Variants in NBAS observed in about 807,000 individuals in gnomAD.
The protein encoded by NBAS is NAG/BC035112 fusion.
NBAS carries 219 observed loss-of-function variants against 302.5 expected under a neutral mutation model. The ratio of observed to expected loss-of-function variants is 0.72; its 90% CI spans 0.65 to 0.81. The LOEUF (loss-of-function observed/expected upper bound fraction) is 0.81, where lower values mean the gene tolerates loss of function less well. Ranked by LOEUF, NBAS falls within the 30% of genes least tolerant of loss-of-function variation. The pLI is 0.00. For missense variants in NBAS, 2,932 were observed against 2,841.6 expected, an observed-to-expected ratio of 1.03 and a Z score of -0.72; for synonymous variants, 1,118 against 1,021.6, an observed-to-expected ratio of 1.09 and a Z score of -1.80.
intron 9 of NBAS, among the ~76,000 whole-genome samples, chr2:15,522,338 T>C (rs974429440): frequency 3.9e-5 from 6 of 152,032 alleles, no homozygotes; most frequent in Non-Finnish European, 1.5e-5. Context: ...GAGTTGAGAA[T>C]TATCTAACAT....
the NBAS span, among the ~76,000 whole-genome samples, chr2:15,085,726 T>C: frequency 6.6e-6 from 1 of 152,126 alleles, no homozygotes; most frequent in African/African-American, 2.4e-5. Flanking sequence ...TGCTCAGAAG[T>C]GCCTGCTCCC....
At chr2:15,009,470 A>G in the NBAS span, among the ~76,000 whole-genome samples, 6 of 152,060 alleles carry the variant, frequency 3.9e-5, no homozygotes, top group East Asian at 7.7e-4. Context: ...TCAGAGCCCA[A>G]AATGAAGCTC....
At position 15,459,539 on chromosome 2, in the gene NBAS, G is replaced by A. The variant is rs184695916; in HGVS notation, c.2339+1662C>T. 1.4e-4 allele frequency among the ~76,000 whole-genome samples: 18 copies of A among 130,738 alleles called. No individual in the cohort carries two copies. The East Asian group carries it at 3.5e-3, about 25-fold the overall frequency. The allele number at this position is 130,738 out of a possible 152,430, so 85.8% of individuals were successfully genotyped here. On this transcript the variant is annotated intron_variant, in intron 21 of 51. Coordinates refer to ENST00000281513, the MANE Select transcript of NBAS (RefSeq NM_015909.4). ...AGATGGAGTCTCGTTCTGTCACCCA[G>A]GGGTGCGATAGCTCACTGCAAGCTC...
the NBAS span, among the ~76,000 whole-genome samples, chr2:14,886,160 A>G: frequency 6.6e-6 from 1 of 151,582 alleles, no homozygotes; most frequent in Non-Finnish European, 1.5e-5. Flanking sequence ...CTCCATAGGC[A>G]GGCAGGTAAG....
chr2:15,509,295 T>C (rs1450940883), intron 10 of NBAS, among the ~76,000 whole-genome samples: 1 of 152,188 alleles, frequency 6.6e-6, no homozygotes, highest in Admixed American at 6.5e-5. Context: ...TATGGTGCCT[T>C]AGGCTCCTTA....
chr2:14,932,506 T>A, the NBAS span, among the ~76,000 whole-genome samples: 11 of 152,216 alleles, frequency 7.2e-5, no homozygotes, highest in Non-Finnish European at 1.0e-4. Flanking sequence ...AGGATTCAAA[T>A]CCCTTGCTTT....
chr2:15,126,553 C>A, the NBAS span, among the ~76,000 whole-genome samples: 1 of 152,160 alleles, frequency 6.6e-6, no homozygotes, highest in Non-Finnish European at 1.5e-5. Context: ...ATCAGAGGTA[C>A]CTCACCCGAG....
At chr2:14,926,222 G>A in the NBAS span, among the ~76,000 whole-genome samples, 1 of 152,200 alleles carries the variant, frequency 6.6e-6, no homozygotes, top group East Asian at 1.9e-4. Context: ...CTACAATTAC[G>A]GGAACAGAGA....
At chr2:15,074,397 G>A in the NBAS span, among the ~76,000 whole-genome samples, 131 of 143,748 alleles carry the variant, frequency 9.1e-4, 1 homozygote, top group African/African-American at 3.2e-3. Flanking sequence ...ATGGAAGGAG[G>A]GGGGGAGGGA....
At chr2:14,828,615 A>C in the NBAS span, among the ~76,000 whole-genome samples, 1 of 152,214 alleles carries the variant, frequency 6.6e-6, no homozygotes, top group African/African-American at 2.4e-5. Context: ...TGCAAAAAAA[A>C]TAAATTCTAT....
At chr2:15,444,242 G>A (rs1678602631) in intron 21 of NBAS, among the ~76,000 whole-genome samples, 1 of 152,034 alleles carries the variant, frequency 6.6e-6, no homozygotes, top group Admixed American at 6.6e-5. Context: ...CATACTACCT[G>A]ACTTCAAACT....
chr2:15,320,376 T>A (rs530822633), intron 38 of NBAS, among the ~76,000 whole-genome samples: 1 of 152,100 alleles, frequency 6.6e-6, no homozygotes, highest in Non-Finnish European at 1.5e-5. Flanking sequence ...CTATTCAACA[T>A]AGTGTTGGAA....
At chr2:15,394,798 G>A (rs1675789020) in intron 27 of NBAS, among the ~76,000 whole-genome samples, 1 of 152,030 alleles carries the variant, frequency 6.6e-6, no homozygotes, top group African/African-American at 2.4e-5. Flanking sequence ...CTCATTCTCT[G>A]TCAAGAATCC....
the NBAS span, among the ~76,000 whole-genome samples, chr2:14,784,394 TG>T: frequency 5.8e-4 from 89 of 152,336 alleles, 1 homozygote; most frequent in African/African-American, 1.7e-3. Flanking sequence ...TCCTTGCCCA[TG>T]CCTATGTCCT....
chr2:15,219,377 G>T (rs1054275967), intron 47 of NBAS, among the ~76,000 whole-genome samples: 1 of 144,100 alleles, frequency 6.9e-6, no homozygotes, highest in African/African-American at 2.6e-5. Flanking sequence ...CGCAGAGGGG[G>T]ATTTGGCAGG....
chr2:15,162,659 C>T (rs1027443032), downstream of NBAS, among the ~76,000 whole-genome samples: 4 of 152,208 alleles, frequency 2.6e-5, no homozygotes, highest in Admixed American at 6.5e-5. Context: ...CCAAGCCTTC[C>T]TTCTCGTATC....
At chr2:15,088,128 C>G in the NBAS span, among the ~76,000 whole-genome samples, 1 of 152,042 alleles carries the variant, frequency 6.6e-6, no homozygotes, top group Non-Finnish European at 1.5e-5. Flanking sequence ...GTGGGCAGGT[C>G]GAGCAGGAAT....
At chr2:14,962,468 C>A in the NBAS span, among the ~76,000 whole-genome samples, 1 of 152,070 alleles carries the variant, frequency 6.6e-6, no homozygotes, top group Non-Finnish European at 1.5e-5. Flanking sequence ...AAGAATCTAC[C>A]CAGATTCTCT....
In NBAS at chr2:15,321,712, G is replaced by A. The variant is rs528103674; in HGVS notation, c.4582+6038C>T. Among the ~76,000 whole-genome samples, 3 of 152,324 alleles carry A rather than the reference G, an allele frequency of 2.0e-5. 1 individual carries two copies. The South Asian group carries it at 6.2e-4, about 32-fold the overall frequency. On this transcript the variant is annotated intron_variant, in intron 38 of 51. Coordinates refer to ENST00000281513, the MANE Select transcript of NBAS (RefSeq NM_015909.4). The stretch of plus-strand genomic sequence containing the variant: ...ATGAGATACCATCTCATGCCAGTTA[G>A]AATGGCGATCGTTAAAAAGTCAGGA...
Sources: gnomAD v4.1 joint callset for allele counts (sites outside exome capture counted in the v4.1 genomes callset) on GRCh38, gnomAD v4.1.1 for gene constraint, MANE v1.5 for transcripts, NCBI Gene and HGNC (gene_info 2026-07-23, HGNC 2026-07-21) for gene names.